ACTR2: variants seen among roughly 807,000 people sequenced by gnomAD.
ACTR2 encodes actin-related protein 2.
ACTR2 carries 5 observed loss-of-function variants against 50.2 expected under a neutral mutation model. The ratio of observed to expected loss-of-function variants is 0.10; its 90% CI spans 0.05 to 0.21. The LOEUF is 0.21. Among genes scored for constraint, ACTR2 ranks in the 10% least tolerant of loss-of-function variants. The probability of loss-of-function intolerance (pLI) is 1.00; values close to 1 mark genes in which losing one functional copy is unlikely to be tolerated. For synonymous variants in ACTR2, 140 were observed against 162.9 expected, an observed-to-expected ratio of 0.86 and a Z score of 1.07; for missense variants, 180 against 480.6, an observed-to-expected ratio of 0.37 and a Z score of 5.85.
intron 7 of ACTR2, among the ~76,000 whole-genome samples, chr2:65,262,605 A>C (rs1672289937): frequency 6.6e-6 from 1 of 151,726 alleles, no homozygotes; most frequent in African/African-American, 2.4e-5. Context: ...ATCCTTTTCC[A>C]CCGATCTGAT....
intron 2 of ACTR2, chr2:65,246,262 G>A: frequency 3.9e-6 from 1 of 258,980 alleles, no homozygotes. Flanking sequence ...AAAATGTGGG[G>A]TTTATTTGTG....
At position 65,265,072 on chromosome 2, in the gene ACTR2, C is replaced by G; in HGVS notation, c.911C>G (p.Ser304Cys). 1 of 1,614,186 alleles carries G rather than the reference C, an allele frequency of 6.2e-7. No homozygotes were observed. The highest frequency in any genetic ancestry group is 8.5e-7 in the Non-Finnish European group (1 of 1,180,024). ...RSEFYKHIVL[S>C]GGSTMYPGLP... ...GAATTCTACAAACACATTGTGCTTTCTGGAGGGTCTACTATGTATCCTGGC... is the reference window on the plus strand; with the variant it reads ...GAATTCTACAAACACATTGTGCTTTGTGGAGGGTCTACTATGTATCCTGGC... The change falls in exon 8 of 9, where the codon TCT becomes TGT. Residue 304 changes from serine to cysteine, a missense_variant. Coordinates refer to ENST00000260641, the MANE Select transcript of ACTR2 (RefSeq NM_005722.4).
In ACTR2 at chr2:65,256,983, AT is replaced by A. The variant is rs35444213; in HGVS notation, c.735+1290del. On this transcript the variant is annotated intron_variant, in intron 6 of 8. Coordinates refer to ENST00000260641, the MANE Select transcript of ACTR2 (RefSeq NM_005722.4). ...TATTATACTTTAAGTTCTGGGATAC[AT>A]GTGCAGAAAATGCAGGTTTGTTACA... Among the ~76,000 whole-genome samples, 1,017 of 152,222 alleles carry A rather than the reference AT, an allele frequency of 6.7e-3. 3 individuals are homozygous for A. Among genetic ancestry groups the A allele is most frequent in the Non-Finnish European group, 0.012 (831 of 68,026 alleles).
rs367917487 is a variant in ACTR2 at position 65,261,747 on chromosome 2, A to G, written c.881+355A>G. On this transcript the variant is annotated intron_variant, in intron 7 of 8. Transcript: ENST00000260641. ...TGCTGATTTCAGATCCTTTGGAGAT[A>G]CACCCAGTAGTGGAATTGCTGGATC... is the stretch of plus-strand genomic sequence containing the variant. Among the ~76,000 whole-genome samples the G allele has an allele frequency of 2.6e-5, 4 of 152,240 alleles. No individual in the cohort carries two copies. In the East Asian group the frequency reaches 5.8e-4, roughly 22 times the overall value.
intron 6 of ACTR2, 54 bp from the exon 7 acceptor site, chr2:65,261,193 A>G: frequency 7.5e-6 from 12 of 1,595,292 alleles, no homozygotes; most frequent in Non-Finnish European, 1.0e-5. Flanking sequence ...TCCGGAGAAC[A>G]CTGGGAAATT....
intron 5 of ACTR2, among the ~76,000 whole-genome samples, chr2:65,254,477 G>A (rs896595433): frequency 1.4e-4 from 21 of 152,104 alleles, no homozygotes; most frequent in Non-Finnish European, 2.9e-4. Context: ...TACATAAGGT[G>A]TCTACTTGCT....
At chr2:65,249,612 T>C (rs1281933343) in intron 3 of ACTR2, among the ~76,000 whole-genome samples, 1 of 152,180 alleles carries the variant, frequency 6.6e-6, no homozygotes, top group Non-Finnish European at 1.5e-5. Flanking sequence ...GTAATTTTCA[T>C]TGTGGTCAGT....
chr2:65,265,604 G>A (rs970608722), intron 8 of ACTR2, among the ~76,000 whole-genome samples: 12 of 152,182 alleles, frequency 7.9e-5, no homozygotes, highest in Non-Finnish European at 4.4e-5. Context: ...TGTCTTCTCA[G>A]TCAGATTGAA....
rs560546718 is a variant in ACTR2 at position 65,254,767 on chromosome 2, C to T, written c.586-778C>T. ...CCTGTCTCTGCATTAAATTGGGTTG[C>T]ACTGTCTTTACCTTGACATTGGGTT... is the stretch of plus-strand genomic sequence containing the variant. On this transcript the variant is annotated intron_variant, in intron 5 of 8. Transcript: ENST00000260641. 3.9e-4 allele frequency among the ~76,000 whole-genome samples: 60 copies of T among 152,324 alleles called. 1 individual carries two copies. Among genetic ancestry groups the T allele is most frequent in the Admixed American group, 2.5e-3 (39 of 15,308 alleles).
At chr2:65,265,874 T>C (rs1422356571) in intron 8 of ACTR2, among the ~76,000 whole-genome samples, 2 of 152,250 alleles carry the variant, frequency 1.3e-5, no homozygotes, top group East Asian at 3.8e-4. Context: ...TTTGATCAAC[T>C]GTTTTAGATA....
chr2:65,255,814 A>G lies in ACTR2; in HGVS notation c.735+120A>G, dbSNP rs143589081. 782 of 770,382 alleles carry G rather than the reference A, an allele frequency of 1.0e-3. 5 individuals are homozygous for G. The African/African-American group carries it at 0.012, about 12-fold the overall frequency. 47.7% of individuals were successfully genotyped at this position (770,382 alleles called of 1,614,324 possible). On this transcript the variant is annotated intron_variant, in intron 6 of 8. Transcript: ENST00000260641. ...TTTGTCTTGGGTTGTTGTAATATGTATATGTGTGACTTTTAATGTCTCTTT... is the reference window on the plus strand; with the variant it reads ...TTTGTCTTGGGTTGTTGTAATATGTGTATGTGTGACTTTTAATGTCTCTTT...
At chr2:65,228,118 G>C (rs1671562708) in intron 1 of ACTR2, 161 bp downstream of exon 1, 1 of 569,554 alleles carries the variant, frequency 1.8e-6, no homozygotes, top group Admixed American at 4.4e-5. Context: ...CGAGCCGGCC[G>C]TTCCCTGGTC....
intron 2 of ACTR2, among the ~76,000 whole-genome samples, chr2:65,242,945 A>G (rs1382338162): frequency 6.6e-6 from 1 of 152,252 alleles, no homozygotes; most frequent in East Asian, 1.9e-4. Context: ...ATCCTAAATA[A>G]AAGATCATAA....
rs540476544 is a variant in ACTR2 at position 65,239,674 on chromosome 2, G to A, written c.49-178G>A. ...AACATGAACCCTGGAAGTAGGCAAT[G>A]CCGTGAAAGAAGTTAAAAGGAGATG... On this transcript the variant is annotated intron_variant, in intron 1 of 8. Coordinates refer to ENST00000260641, the MANE Select transcript of ACTR2 (RefSeq NM_005722.4). 3.9e-5 allele frequency among the ~76,000 whole-genome samples: 6 copies of A among 152,338 alleles called. No individual in the cohort carries two copies. In the East Asian group the frequency reaches 1.2e-3, roughly 29 times the overall value.
In ACTR2 at chr2:65,234,453, G is replaced by A. The variant is rs1671701083; in HGVS notation, c.49-5399G>A. 2.6e-5 allele frequency among the ~76,000 whole-genome samples: 4 copies of A among 151,918 alleles called. No individual in the cohort carries two copies. The South Asian group carries it at 8.3e-4, about 31-fold the overall frequency. On this transcript the variant is annotated intron_variant, in intron 1 of 8. Transcript: ENST00000260641. ...TTTTTTTGTTAGGCAGTAATAGTAG[G>A]TTTACAGTTGTTTTTATAGTTTCAG...
intron 1 of ACTR2, among the ~76,000 whole-genome samples, chr2:65,232,006 C>G (rs1214474966): frequency 6.6e-6 from 1 of 152,244 alleles, no homozygotes; most frequent in African/African-American, 2.4e-5. Flanking sequence ...GCTTGATTTT[C>G]TATCTCCCAG....
intron 3 of ACTR2, 57 bp downstream of exon 3, chr2:65,246,796 AAAATTTTCT>A: frequency 7.9e-7 from 1 of 1,273,852 alleles, no homozygotes; most frequent in Non-Finnish European, 1.1e-6. Context: ...TGTTAAATCA[AAAATTTTCT>A]TACTGTTGCT....
At chr2:65,254,289 C>T (rs900139599) in intron 5 of ACTR2, among the ~76,000 whole-genome samples, 3 of 152,098 alleles carry the variant, frequency 2.0e-5, no homozygotes, top group Non-Finnish European at 2.9e-5. Flanking sequence ...TGCTCTTGTC[C>T]TTTCCTACAA....
At chr2:65,230,482 G>A (rs1312805541) in intron 1 of ACTR2, among the ~76,000 whole-genome samples, 1 of 147,788 alleles carries the variant, frequency 6.8e-6, no homozygotes, top group Non-Finnish European at 1.5e-5. Context: ...CGTGATCTCG[G>A]CTCTCTGCAA....
Sources: allele counts gnomAD v4.1 joint callset (sites outside exome capture counted in the v4.1 genomes callset), GRCh38; gene constraint gnomAD v4.1.1; transcripts MANE v1.5; gene names NCBI Gene and HGNC (gene_info 2026-07-23, HGNC 2026-07-21).